Variants in RPL17 observed in about 807,000 individuals in gnomAD.
RPL17 encodes large ribosomal subunit protein uL22.
A neutral mutation model predicts 27.7 loss-of-function variants in RPL17; 2 were observed. The ratio of observed to expected loss-of-function variants is 0.07; its 90% CI spans 0.03 to 0.23. The LOEUF (loss-of-function observed/expected upper bound fraction) is 0.23, where lower values mean the gene tolerates loss of function less well. Among genes scored for constraint, RPL17 ranks in the 10% least tolerant of loss-of-function variants. The pLI is 1.00. For synonymous variants in RPL17, 76 were observed against 75.5 expected (o/e 1.01, Z -0.03); for missense variants, 141 against 238.8 (o/e 0.59, Z 2.70).
At position 49,489,534 on chromosome 18, in the gene RPL17, G is replaced by C. The variant is rs775228974; in HGVS notation, c.332C>G (p.Ser111Cys). ...CACTTGGATATGCTCAATGACCAGAGAATCTACATCTAAACCCTGGGGAAG... is the reference window on the plus strand; with the variant it reads ...CACTTGGATATGCTCAATGACCAGACAATCTACATCTAAACCCTGGGGAAG... ...NAELKGLDVD[S>C]LVIEHIQVNK... Residue 111 changes from serine (S) to cysteine (C), a missense_variant, in exon 6 of 7, where the codon TCT becomes TGT. Around this residue, in one of 2 missense-constraint regions of RPL17, gnomAD observed 107 missense variants for 150.1 expected, o/e 0.71. Coordinates refer to ENST00000580261, the MANE Select transcript of RPL17 (RefSeq NM_001035006.5). The C allele has an allele frequency of 3.1e-6, 5 of 1,600,340 alleles. No homozygotes were observed. Among genetic ancestry groups the C allele is most frequent in the Admixed American group, 3.3e-5 (2 of 59,990 alleles).
intron 3 of RPL17, 25 bp from the exon 4 acceptor site, chr18:49,490,952 G>A: frequency 6.2e-7 from 1 of 1,612,660 alleles, no homozygotes; most frequent in Non-Finnish European, 8.5e-7. Context: ...TAAAGTGTTG[G>A]TTAACTAGAT....
In RPL17 at chr18:49,491,600, G is replaced by A. The variant is rs2084083713; in HGVS notation, c.-13-16C>T. On this transcript the variant is annotated splice_polypyrimidine_tract_variant and intron_variant, in intron 1 of 6. Coordinates refer to ENST00000580261, the MANE Select transcript of RPL17 (RefSeq NM_001035006.5). ...CACAGATCACCTAGAGGAAAGTACA[G>A]TGTAATTCTGTCAATACGTACTTAC... 1.9e-6 allele frequency: 3 copies of A among 1,614,050 alleles called. No individual in the cohort carries two copies. Among genetic ancestry groups the A allele is most frequent in the Non-Finnish European group, 2.5e-6 (3 of 1,179,932 alleles).
chr18:49,489,122 CG>C, intron 6 of RPL17: 3 of 412,278 alleles, frequency 7.3e-6, no homozygotes, highest in Non-Finnish European at 1.4e-5. Flanking sequence ...AGGATGGTCT[CG>C]ATCTCCTGAC....
intron 6 of RPL17, 108 bp downstream of exon 6, chr18:49,489,251 C>T: frequency 8.0e-7 from 1 of 1,248,314 alleles, no homozygotes; most frequent in East Asian, 2.4e-5. Flanking sequence ...AAGGGTTGCT[C>T]AGAATAGTTT....
At chr18:49,490,710 G>A (rs975534555) in intron 4 of RPL17, 83 bp downstream of exon 4, 4 of 1,602,216 alleles carry the variant, frequency 2.5e-6, no homozygotes, top group South Asian at 1.1e-5. Flanking sequence ...AGGTTCATCA[G>A]CACAGATCTT....
At chr18:49,488,991 C>T (rs561045988) in intron 6 of RPL17, among the ~76,000 whole-genome samples, 1 of 152,002 alleles carries the variant, frequency 6.6e-6, no homozygotes, top group South Asian at 2.1e-4. Context: ...TTCCTCCTCC[C>T]GGGTTCATGC....
At chr18:49,491,829 C>T (rs2084113412) in intron 1 of RPL17, 1 of 705,554 alleles carries the variant, frequency 1.4e-6, no homozygotes, top group Non-Finnish European at 2.6e-6. Context: ...CCAATCCAGT[C>T]AACCCTTTGG....
In RPL17 at chr18:49,490,515, T is replaced by C. The variant is rs1410852782; in HGVS notation, c.254A>G (p.Lys85Arg). ...GTGCAGCAAAAATTCAGCACTCTTTTTGGGCCACCGACCTTGTGTCCAGCC... is the reference window on the plus strand; with the variant it reads ...GTGCAGCAAAAATTCAGCACTCTTTCTGGGCCACCGACCTTGTGTCCAGCC... ...QWGWTQGRWPKKSAEFLLHML... is the reference protein window; with the variant it reads ...QWGWTQGRWPRKSAEFLLHML... Residue 85 changes from lysine (K) to arginine (R), a missense_variant, in exon 5 of 7, where the codon AAA becomes AGA. Coordinates refer to ENST00000580261, the MANE Select transcript of RPL17 (RefSeq NM_001035006.5). The C allele has an allele frequency of 2.7e-5, 43 of 1,614,022 alleles. No individual in the cohort carries two copies. Among genetic ancestry groups the C allele is most frequent in the Non-Finnish European group, 3.6e-5 (43 of 1,179,914 alleles).
intron 3 of RPL17, 136 bp downstream of exon 3, chr18:49,491,269 C>A: frequency 7.3e-7 from 1 of 1,363,166 alleles, no homozygotes; most frequent in South Asian, 1.2e-5. Context: ...TCATCAATGC[C>A]TAAATATAAG....
At chr18:49,492,340 G>C (rs912702123) in intron 1 of RPL17, 118 bp downstream of exon 1, 2 of 153,174 alleles carry the variant, frequency 1.3e-5, no homozygotes, top group Non-Finnish European at 2.9e-5. Context: ...CTCCAGCGAG[G>C]ATTTAGTAGC....
At position 49,491,579 on chromosome 18, in the gene RPL17, G is replaced by C; in HGVS notation, c.-8C>G. ...AAGTGAATAGCGAACCATTTTCACA[G>C]ATCACCTAGAGGAAAGTACAGTGTA... On this transcript the variant is annotated 5_prime_UTR_variant, in exon 2 of 7. The change creates a new upstream start codon in the 5' untranslated region. Coordinates refer to ENST00000580261, the MANE Select transcript of RPL17 (RefSeq NM_001035006.5). The C allele has an allele frequency of 6.2e-7, 1 of 1,614,166 alleles. No individual in the cohort carries two copies. The highest frequency in any genetic ancestry group is 8.5e-7 in the Non-Finnish European group (1 of 1,180,040).
At chr18:49,489,659 T>A in intron 5 of RPL17, 109 bp from the exon 6 acceptor site, 1 of 1,147,612 alleles carries the variant, frequency 8.7e-7, no homozygotes, top group Non-Finnish European at 1.2e-6. Flanking sequence ...GAGTCCTGCC[T>A]CAATGAAATC....
At position 49,491,520 on chromosome 18, in the gene RPL17, C is replaced by T. The variant is rs751964992; in HGVS notation, c.40+12G>A. 1.9e-6 allele frequency: 3 copies of T among 1,614,076 alleles called. No homozygotes were observed. Among genetic ancestry groups the T allele is most frequent in the Non-Finnish European group, 2.5e-6 (3 of 1,180,046 alleles). On this transcript the variant is annotated intron_variant, in intron 2 of 6. Coordinates refer to ENST00000580261, the MANE Select transcript of RPL17 (RefSeq NM_001035006.5). ...CAAGTAGGAAATGGGTATCTACCTC[C>T]TGTCCACTTACATTTCGTGGGGTTC... is the stretch of plus-strand genomic sequence containing the variant.
chr18:49,491,726 G>A (rs754566057), intron 1 of RPL17, 142 bp from the exon 2 acceptor site: 26 of 1,084,648 alleles, frequency 2.4e-5, no homozygotes, highest in Non-Finnish European at 3.6e-5. Context: ...TGCCATCATC[G>A]CAGCCATACT....
intron 6 of RPL17, 86 bp from the exon 7 acceptor site, chr18:49,488,652 C>A: frequency 1.2e-6 from 1 of 811,704 alleles, no homozygotes; most frequent in South Asian, 1.4e-5. Context: ...GGCAGGAAAC[C>A]TAGTCGTTAA....
chr18:49,489,846 T>G (rs1321753949), intron 5 of RPL17, among the ~76,000 whole-genome samples: 1 of 152,170 alleles, frequency 6.6e-6, no homozygotes, highest in Non-Finnish European at 1.5e-5. Flanking sequence ...AAGAACCCAA[T>G]TCGAAGTCTT....
intron 3 of RPL17, 192 bp from the exon 4 acceptor site, chr18:49,491,119 T>C: frequency 1.0e-6 from 1 of 964,872 alleles, no homozygotes; most frequent in African/African-American, 1.6e-5. Flanking sequence ...CAAAACTCCA[T>C]TTATTCACTA....
At position 49,490,779 on chromosome 18, in the gene RPL17, C is replaced by A. The variant is rs1225812413; in HGVS notation, c.216+14G>T. The stretch of plus-strand genomic sequence containing the variant: ...TAAAATCTGTCTTTTCAAATGGCAA[C>A]TAAGAATTCTCACCTGCGCACACCT... On this transcript the variant is annotated intron_variant, in intron 4 of 6. Coordinates refer to ENST00000580261, the MANE Select transcript of RPL17 (RefSeq NM_001035006.5). 1 of 1,612,760 alleles carries A rather than the reference C, an allele frequency of 6.2e-7. No homozygotes were observed. The highest frequency in any genetic ancestry group is 2.2e-5 in the East Asian group (1 of 44,882).
intron 1 of RPL17, chr18:49,492,040 C>CCTGTACG (rs2084144415): frequency 6.1e-6 from 2 of 326,334 alleles, no homozygotes; most frequent in Admixed American, 8.0e-5. Context: ...TAAGAGCCCT[C>CCTGTACG]CTGTACGCAA....
Sources: allele counts gnomAD v4.1 joint callset (sites outside exome capture counted in the v4.1 genomes callset), GRCh38; gene constraint gnomAD v4.1.1; regional missense constraint gnomAD v4.1.1; transcripts MANE v1.5; gene names NCBI Gene and HGNC (gene_info 2026-07-23, HGNC 2026-07-21).